The following VPS13C variants were observed in gnomAD, a reference collection of about 807,000 sequenced individuals.
VPS13C encodes intermembrane lipid transfer protein VPS13C.
VPS13C carries 358 observed loss-of-function variants against 456.8 expected under a neutral mutation model. The ratio of observed to expected loss-of-function variants is 0.78; its 90% CI spans 0.72 to 0.86. The LOEUF is 0.86. Ranked by LOEUF, VPS13C falls within the 40% of genes least tolerant of loss-of-function variation. The pLI, the probability that VPS13C is intolerant of heterozygous loss-of-function variation, is 0.00. For missense variants in VPS13C, 4,818 were observed against 4,385.4 expected, an observed-to-expected ratio of 1.10 and a Z score of -2.79; for synonymous variants, 1,578 against 1,486.7, an observed-to-expected ratio of 1.06 and a Z score of -1.41.
intron 59 of VPS13C, 40 bp downstream of exon 59, chr15:61,918,096 T>C: frequency 6.5e-7 from 1 of 1,535,242 alleles, no homozygotes; most frequent in Non-Finnish European, 8.7e-7. Flanking sequence ...AATCCCCAAC[T>C]CAATACATTT....
chr15:61,960,396 G>A (rs999188422), intron 35 of VPS13C, among the ~76,000 whole-genome samples: 2 of 152,098 alleles, frequency 1.3e-5, no homozygotes, highest in African/African-American at 4.8e-5. Context: ...CCTGAATCAG[G>A]GAGAAATTTT....
chr15:61,852,438 A>T lies in VPS13C; in HGVS notation c.*2019T>A, dbSNP rs1201184849. ...CAAATGTTTTATTTCTCTCATATGCAAGTAATTACCTCTCAAAGCATTTTT... is the reference window on the plus strand; with the variant it reads ...CAAATGTTTTATTTCTCTCATATGCTAGTAATTACCTCTCAAAGCATTTTT... On this transcript the variant is annotated 3_prime_UTR_variant, in exon 85 of 85. Coordinates refer to ENST00000644861, the MANE Select transcript of VPS13C (RefSeq NM_020821.3). 6.6e-6 allele frequency: 1 copy of T among 152,222 alleles called. No homozygotes were observed. Among genetic ancestry groups the T allele is most frequent in the East Asian group, 1.9e-4 (1 of 5,196 alleles). The allele number at this position is 152,222 out of a possible 1,614,324, so 9.4% of individuals were successfully genotyped here. A position where few individuals can be genotyped will look rare whatever the true frequency, so the allele number is the denominator to read the frequency against.
intron 66 of VPS13C, among the ~76,000 whole-genome samples, chr15:61,894,964 G>A (rs1335094425): frequency 6.6e-6 from 1 of 151,994 alleles, no homozygotes; most frequent in East Asian, 1.9e-4. Flanking sequence ...TGGCCCATAT[G>A]GTAGGCCACA....
chr15:62,006,260 G>C (rs1350305715), intron 15 of VPS13C, among the ~76,000 whole-genome samples: 1 of 150,932 alleles, frequency 6.6e-6, no homozygotes, highest in Non-Finnish European at 1.5e-5. Context: ...CCCTCTCCCC[G>C]CACCCCACAA....
chr15:61,998,597 A>C (rs2046474350), intron 16 of VPS13C, among the ~76,000 whole-genome samples: 1 of 152,214 alleles, frequency 6.6e-6, no homozygotes, highest in South Asian at 2.1e-4. Context: ...AGAGGGGTCA[A>C]ACGGCCCAAA....
intron 80 of VPS13C, 22 bp from the exon 81 acceptor site, chr15:61,868,795 G>A (rs1249284435): frequency 1.3e-6 from 2 of 1,580,972 alleles, no homozygotes; most frequent in Non-Finnish European, 1.7e-6. Context: ...ATCAGAGTAA[G>A]TGTAAGAAAA....
At chr15:61,877,827 C>T (rs940777526) in intron 74 of VPS13C, among the ~76,000 whole-genome samples, 3 of 151,844 alleles carry the variant, frequency 2.0e-5, no homozygotes, top group Non-Finnish European at 2.9e-5. Context: ...TAAATAATAA[C>T]GCCATCACTG....
intron 52 of VPS13C, among the ~76,000 whole-genome samples, chr15:61,926,733 A>G (rs2043863053): frequency 6.6e-6 from 1 of 152,228 alleles, no homozygotes; most frequent in African/African-American, 2.4e-5. Flanking sequence ...AAGTGACTCC[A>G]ATTTAATTTT....
chr15:62,005,418 C>G (rs187866184), intron 15 of VPS13C, among the ~76,000 whole-genome samples: 2 of 151,952 alleles, frequency 1.3e-5, no homozygotes, highest in Non-Finnish European at 2.9e-5. Context: ...TGTCTCTGCA[C>G]GTGAGATGGG....
intron 16 of VPS13C, 48 bp downstream of exon 16, chr15:62,000,516 G>T: frequency 6.6e-7 from 1 of 1,515,096 alleles, no homozygotes; most frequent in Non-Finnish European, 9.0e-7. Context: ...GTTTAAAAGC[G>T]GGCATTAACA....
Position 61,867,581 on chromosome 15 carries a change from T to A in VPS13C, c.10863+1078A>T. 9.7e-7 allele frequency: 1 copy of A among 1,030,306 alleles called. No homozygotes were observed. The highest frequency in any genetic ancestry group is 1.2e-6 in the Non-Finnish European group (1 of 860,376). 63.8% of individuals were successfully genotyped at this position (1,030,306 alleles called of 1,614,324 possible). A position where few individuals can be genotyped will look rare whatever the true frequency, so the allele number is the denominator to read the frequency against. On this transcript the variant is annotated intron_variant, in intron 81 of 84. Coordinates refer to ENST00000644861, the MANE Select transcript of VPS13C (RefSeq NM_020821.3). This position sits in a 1 kb window ranked among gnomAD's most constrained non-coding sequence, Gnocchi z 5.0. ...TAATAATTGTCCTGTTTTTCAATTT[T>A]ACCTGAAATGCACATGAACACCATA...
intron 49 of VPS13C, among the ~76,000 whole-genome samples, chr15:61,933,054 GTAC>G (rs2044114402): frequency 1.3e-5 from 2 of 152,152 alleles, no homozygotes; most frequent in Admixed American, 6.5e-5. Flanking sequence ...AGTCATTGCA[GTAC>G]TACAAGTGTA....
Position 61,925,503 on chromosome 15 carries a change from A to C in VPS13C, c.6562T>G (p.Ser2188Ala). The C allele has an allele frequency of 6.2e-6, 10 of 1,605,444 alleles. No homozygotes were observed. Among genetic ancestry groups the C allele is most frequent in the Non-Finnish European group, 8.5e-6 (10 of 1,175,922 alleles). Residue 2188 changes from serine to alanine, a missense_variant, in exon 53 of 85, where the codon TCA becomes GCA. Transcript: ENST00000644861. ...SLFMEKCTWASGKQNINIMVK... is the reference protein window; with the variant it reads ...SLFMEKCTWAAGKQNINIMVK... ...ATAATATTTATATTTTGCTTTCCTG[A>C]AGCCCACGTACATTTTTCCATAAAT...
intron 15 of VPS13C, among the ~76,000 whole-genome samples, chr15:62,006,591 G>A (rs371206416): frequency 2.4e-4 from 37 of 152,254 alleles, no homozygotes; most frequent in South Asian, 2.3e-3. Flanking sequence ...TTATAGCAGC[G>A]TGATTTATAA....
intron 45 of VPS13C, 25 bp from the exon 46 acceptor site, chr15:61,942,092 G>A: frequency 6.7e-6 from 10 of 1,498,864 alleles, no homozygotes; most frequent in South Asian, 5.7e-5. Context: ...AGATATTTAG[G>A]GGAAAAAAGG....
At chr15:61,891,083 C>G (rs2042636371) in intron 66 of VPS13C, among the ~76,000 whole-genome samples, 1 of 152,120 alleles carries the variant, frequency 6.6e-6, no homozygotes, top group Non-Finnish European at 1.5e-5. Flanking sequence ...TCAGACAAAA[C>G]CAGCCTAGCT....
chr15:62,024,967 T>C (rs1445525175), intron 6 of VPS13C, among the ~76,000 whole-genome samples: 1 of 152,096 alleles, frequency 6.6e-6, no homozygotes, highest in African/African-American at 2.4e-5. Context: ...GAAGCCTTCT[T>C]AAACTACTCC....
chr15:62,036,560 T>C (rs1231972339), intron 3 of VPS13C, among the ~76,000 whole-genome samples: 1 of 152,114 alleles, frequency 6.6e-6, no homozygotes, highest in Non-Finnish European at 1.5e-5. Flanking sequence ...GGGTCATTTC[T>C]AAGTCCAGTG....
intron 66 of VPS13C, among the ~76,000 whole-genome samples, chr15:61,894,035 G>A (rs2042729834): frequency 6.6e-6 from 1 of 152,226 alleles, no homozygotes; most frequent in South Asian, 2.1e-4. Flanking sequence ...GCCAGGCACA[G>A]TGGCTCATGC....
Sources: allele counts gnomAD v4.1 joint callset (sites outside exome capture counted in the v4.1 genomes callset), GRCh38; gene constraint gnomAD v4.1.1; non-coding constraint Gnocchi (gnomAD v3.1); transcripts MANE v1.5; gene names NCBI Gene and HGNC (gene_info 2026-07-23, HGNC 2026-07-21).